The following OPCML variants were observed in gnomAD, a reference collection of about 807,000 sequenced individuals.
OPCML encodes opioid binding protein/cell adhesion molecule like, also known as opioid-binding protein/cell adhesion molecule.
OPCML carries 13 observed loss-of-function variants against 37.8 expected under a neutral mutation model. The ratio of observed to expected loss-of-function variants is 0.34; its 90% CI spans 0.22 to 0.55. OPCML has a LOEUF of 0.55. Ranked by LOEUF, OPCML falls within the 20% of genes least tolerant of loss-of-function variation. The pLI is 0.91. For missense variants in OPCML, 341 were observed against 435.6 expected (o/e 0.78, Z 1.93); for synonymous variants, 176 against 168.8 (o/e 1.04, Z -0.33).
At chr11:132,812,946 C>T (rs545404031) in intron 2 of OPCML, among the ~76,000 whole-genome samples, 141 of 152,282 alleles carry the variant, frequency 9.3e-4, no homozygotes, top group Non-Finnish European at 1.6e-3. Context: ...GGTCCTATAA[C>T]TTGAGGTTTG....
At chr11:133,354,572 T>C (rs1944239628) in intron 1 of OPCML, among the ~76,000 whole-genome samples, 1 of 152,172 alleles carries the variant, frequency 6.6e-6, no homozygotes, top group Non-Finnish European at 1.5e-5. Flanking sequence ...CAGATTATTT[T>C]AACTTTGGTC....
At chr11:133,526,295 G>A (rs952916274) in intron 1 of OPCML, among the ~76,000 whole-genome samples, 2 of 152,204 alleles carry the variant, frequency 1.3e-5, no homozygotes, top group Admixed American at 1.3e-4. Context: ...CCAAGGCTGG[G>A]GGCTAGAGTT....
chr11:133,454,872 A>G (rs920444623), intron 1 of OPCML, among the ~76,000 whole-genome samples: 4 of 152,186 alleles, frequency 2.6e-5, no homozygotes, highest in African/African-American at 9.7e-5. Context: ...AAAAGGACAG[A>G]GTGGTCCAGA....
intron 1 of OPCML, among the ~76,000 whole-genome samples, chr11:133,146,464 G>C (rs1040547862): frequency 4.6e-5 from 7 of 151,846 alleles, no homozygotes; most frequent in African/African-American, 1.7e-4. Context: ...ACAGGCACCC[G>C]CCACCATGCC....
At chr11:132,797,316 G>T (rs1314040303) in intron 2 of OPCML, among the ~76,000 whole-genome samples, 1 of 152,132 alleles carries the variant, frequency 6.6e-6, no homozygotes, top group African/African-American at 2.4e-5. Flanking sequence ...TTCATTATTT[G>T]CATGTGCATA....
At chr11:133,156,240 G>A (rs1950060590) in intron 1 of OPCML, among the ~76,000 whole-genome samples, 1 of 152,074 alleles carries the variant, frequency 6.6e-6, no homozygotes, top group Non-Finnish European at 1.5e-5. Context: ...TAGAATGACT[G>A]CCCCCTGCTT....
chr11:132,593,235 T>C (rs2096487371), intron 3 of OPCML, among the ~76,000 whole-genome samples: 1 of 151,926 alleles, frequency 6.6e-6, no homozygotes, highest in South Asian at 2.1e-4. Flanking sequence ...GGGAAACAGC[T>C]TGGTGAATTC....
At chr11:133,109,304 A>C (rs1419789378) in intron 1 of OPCML, among the ~76,000 whole-genome samples, 1 of 152,138 alleles carries the variant, frequency 6.6e-6, no homozygotes, top group Non-Finnish European at 1.5e-5. Context: ...GCAAAAGAAC[A>C]AGGACTCCAC....
At chr11:133,126,070 TACACAC>T (rs3049587) in intron 1 of OPCML, among the ~76,000 whole-genome samples, 102 of 148,184 alleles carry the variant, frequency 6.9e-4, no homozygotes, top group East Asian at 4.8e-3. Flanking sequence ...ATATGTACCA[TACACAC>T]ACACACACAC....
intron 1 of OPCML, among the ~76,000 whole-genome samples, chr11:133,073,018 C>G (rs895248965): frequency 6.6e-6 from 1 of 152,164 alleles, no homozygotes; most frequent in African/African-American, 2.4e-5. Flanking sequence ...AGAGAGAGCT[C>G]TTGAGTGAGT....
chr11:133,382,219 C>T (rs1280366997), intron 1 of OPCML, among the ~76,000 whole-genome samples: 2 of 152,220 alleles, frequency 1.3e-5, no homozygotes, highest in Non-Finnish European at 2.9e-5. Flanking sequence ...ATTAATCAAG[C>T]TCTGGCCTCC....
chr11:133,194,205 C>CT (rs34797390), intron 1 of OPCML, among the ~76,000 whole-genome samples: 15,827 of 106,938 alleles, frequency 0.15, 1,856 homozygotes, highest in Non-Finnish European at 0.18. Flanking sequence ...CCTTCCCCCA[C>CT]TTTTTTTTTT....
At chr11:133,458,740 C>CGT (rs200584548) in intron 1 of OPCML, among the ~76,000 whole-genome samples, 7,980 of 102,474 alleles carry the variant, frequency 0.078, 2,147 homozygotes, top group African/African-American at 0.47. Context: ...CATAGATGCA[C>CGT]GTGTGTGTAT....
chr11:132,562,879 T>C (rs1251847006), intron 3 of OPCML, among the ~76,000 whole-genome samples: 4 of 152,204 alleles, frequency 2.6e-5, no homozygotes, highest in Non-Finnish European at 5.9e-5. Flanking sequence ...CCACCAGTGA[T>C]GTACACTGAT....
chr11:133,108,578 T>TAC (rs1292477145), intron 1 of OPCML, among the ~76,000 whole-genome samples: 7 of 151,826 alleles, frequency 4.6e-5, no homozygotes, highest in African/African-American at 7.3e-5. Context: ...CACTACATTA[T>TAC]ACACACACAC....
At chr11:133,202,417 C>T (rs1156785602) in intron 1 of OPCML, among the ~76,000 whole-genome samples, 1 of 152,204 alleles carries the variant, frequency 6.6e-6, no homozygotes, top group African/African-American at 2.4e-5. Context: ...ATGGTCCCTC[C>T]ACAAATAACA....
intron 1 of OPCML, among the ~76,000 whole-genome samples, chr11:133,023,944 A>T (rs1268464855): frequency 6.6e-6 from 1 of 152,170 alleles, no homozygotes; most frequent in Non-Finnish European, 1.5e-5. Flanking sequence ...AAGGTGAAGG[A>T]AGAATAACAG....
chr11:132,729,067 T>C (rs563723620), intron 2 of OPCML, among the ~76,000 whole-genome samples: 1 of 152,186 alleles, frequency 6.6e-6, no homozygotes, highest in South Asian at 2.1e-4. Flanking sequence ...AAAGAAAGGC[T>C]GGTTAGGGGG....
chr11:132,420,014 C>A lies in OPCML; in HGVS notation c.*179G>T, dbSNP rs151015001. The A allele has an allele frequency of 2.3e-4, 111 of 483,498 alleles. 2 individuals are homozygous for A. In the East Asian group the frequency reaches 3.2e-3, roughly 14 times the overall value. 30.0% of individuals were successfully genotyped at this position (483,498 alleles called of 1,614,324 possible). A position where few individuals can be genotyped will look rare whatever the true frequency, so the allele number is the denominator to read the frequency against. Reference sequence around the variant, plus strand: ...GAACCCTGCCCACCCCGCCCCCAACCCCACTCATTCAAGCTGGAAATAAAA... The same window carrying A: ...GAACCCTGCCCACCCCGCCCCCAACACCACTCATTCAAGCTGGAAATAAAA... On this transcript the variant is annotated 3_prime_UTR_variant, in exon 8 of 8. Coordinates refer to ENST00000524381, the MANE Select transcript of OPCML (RefSeq NM_001012393.5).
Sources: allele counts gnomAD v4.1 joint callset (sites outside exome capture counted in the v4.1 genomes callset), GRCh38; gene constraint gnomAD v4.1.1; transcripts MANE v1.5; gene names NCBI Gene and HGNC (gene_info 2026-07-23, HGNC 2026-07-21).